The following ASTN2 variants were observed in gnomAD, a reference collection of about 807,000 sequenced individuals.
The protein encoded by ASTN2 is astrotactin-2.
In ASTN2, 54 loss-of-function variants were observed where a neutral mutation model predicts 139.8. The observed-to-expected ratio is 0.39, with a 90% CI of 0.31 to 0.48. ASTN2 has a LOEUF of 0.48. Among genes scored for constraint, ASTN2 ranks in the 20% least tolerant of loss-of-function variants. The pLI, the probability that ASTN2 is intolerant of heterozygous loss-of-function variation, is 0.95. For missense variants in ASTN2, 1,565 were observed against 1,725.1 expected, an observed-to-expected ratio of 0.91 and a Z score of 1.64; for synonymous variants, 756 against 719.5, an observed-to-expected ratio of 1.05 and a Z score of -0.81.
Position 117,414,122 on chromosome 9 carries a change from G to A in ASTN2, c.442+375C>T, listed in dbSNP as rs1411470242. On this transcript the variant is annotated intron_variant, in intron 1 of 22. Coordinates refer to ENST00000313400, the MANE Select transcript of ASTN2 (RefSeq NM_001365068.1). The surrounding 1 kb of genome is among the most constrained non-coding windows in gnomAD (Gnocchi z 4.2). ...GTGGCCAGTGACGGTACCCGGAGAA[G>A]TGGGAGGCTCGACCTGAAACTGGCT... Among the ~76,000 whole-genome samples the A allele has an allele frequency of 6.6e-6, 1 of 152,142 alleles. No individual in the cohort carries two copies. Among genetic ancestry groups the A allele is most frequent in the Non-Finnish European group, 1.5e-5 (1 of 68,024 alleles).
chr9:116,958,631 G>A (rs7026444), intron 10 of ASTN2, among the ~76,000 whole-genome samples: 97,434 of 151,848 alleles, frequency 0.64, 34,944 homozygotes, highest in Admixed American at 0.8. Flanking sequence ...CTGGCCTCCT[G>A]GAAGAAGAGA....
chr9:116,472,913 C>T (rs983862822), intron 20 of ASTN2, among the ~76,000 whole-genome samples: 21 of 127,842 alleles, frequency 1.6e-4, no homozygotes, highest in African/African-American at 4.3e-4. Context: ...GGCAACAGAG[C>T]GAGACTCTGT....
chr9:116,967,103 T>C (rs1053990576), intron 10 of ASTN2, among the ~76,000 whole-genome samples: 1 of 152,160 alleles, frequency 6.6e-6, no homozygotes, highest in Non-Finnish European at 1.5e-5. Context: ...GGAGTCAAAA[T>C]GAAAACATGT....
chr9:116,436,529 T>C (rs1267400591), intron 22 of ASTN2, among the ~76,000 whole-genome samples: 4 of 152,206 alleles, frequency 2.6e-5, no homozygotes, highest in Non-Finnish European at 5.9e-5. Context: ...GTTTACATTG[T>C]AGTAGGGAAG....
rs755823816 is a variant in ASTN2 at position 117,414,602 on chromosome 9, T to G, written c.337A>C (p.Thr113Pro). Residue 113 changes from threonine (T) to proline (P), a missense_variant, in exon 1 of 23, where the codon ACC becomes CCC. Physicochemically the swap from Thr to Pro is conservative, Grantham distance 38 (BLOSUM62 -1). Around this residue, in one of 4 missense-constraint regions of ASTN2, gnomAD observed 596 missense variants for 576.8 expected, o/e 1.03. Transcript: ENST00000313400. The surrounding 1 kb of genome is among the most constrained non-coding windows in gnomAD (Gnocchi z 4.2). ...ASPGSPGSAG[T>P]AAESRLLLFV... is the part of the protein sequence containing the mutation. ...AGCAGGAGGCGCGACTCGGCGGCGG[T>G]GCCGGCAGAGCCAGGAGAGCCCGGG... 6.4e-7 allele frequency: 1 copy of G among 1,570,626 alleles called. No individual in the cohort carries two copies. The highest frequency in any genetic ancestry group is 2.5e-5 in the East Asian group (1 of 39,504).
intron 7 of ASTN2, among the ~76,000 whole-genome samples, chr9:116,992,512 G>A (rs1399282164): frequency 6.6e-6 from 1 of 152,166 alleles, no homozygotes; most frequent in Non-Finnish European, 1.5e-5. Context: ...GTGCCTCCTT[G>A]AAGTTTTTGC....
At position 116,820,697 on chromosome 9, in the gene ASTN2, G is replaced by T; in HGVS notation, c.2127C>A (p.Gly709=). The change falls in exon 12 of 23, where the codon GGC becomes GGA. Residue 709 remains glycine, a synonymous_variant. Transcript: ENST00000313400. ...KGIDCSDGFN[G]GCEQLCLQQT... The stretch of plus-strand genomic sequence containing the variant: ...GCTGCAGGCACAGCTGCTCACAGCC[G>T]CCATTAAAGCCATCAGAGCAGTCAA... 1 of 1,614,208 alleles carries T rather than the reference G, an allele frequency of 6.2e-7. No individual in the cohort carries two copies. The highest frequency in any genetic ancestry group is 8.5e-7 in the Non-Finnish European group (1 of 1,180,034).
chr9:116,765,645 A>T (rs554563167), intron 13 of ASTN2, among the ~76,000 whole-genome samples: 25 of 152,346 alleles, frequency 1.6e-4, no homozygotes, highest in Middle Eastern at 3.4e-3. Flanking sequence ...TAAATGAATT[A>T]TAAGTCTAGG....
intron 1 of ASTN2, among the ~76,000 whole-genome samples, chr9:117,346,180 A>G (rs1184142483): frequency 2.0e-5 from 3 of 152,140 alleles, no homozygotes; most frequent in African/African-American, 7.2e-5. Flanking sequence ...CTCTTTGTCC[A>G]GAGCACCCTG....
intron 2 of ASTN2, among the ~76,000 whole-genome samples, chr9:117,233,616 C>T (rs1243558325): frequency 1.3e-5 from 2 of 152,068 alleles, no homozygotes; most frequent in South Asian, 2.1e-4. Flanking sequence ...CTTTTATGAT[C>T]CAGTTGAAAT....
At chr9:117,267,717 C>T (rs1352540500) in intron 2 of ASTN2, among the ~76,000 whole-genome samples, 1 of 152,198 alleles carries the variant, frequency 6.6e-6, no homozygotes, top group Non-Finnish European at 1.5e-5. Context: ...TGGCTCCTGA[C>T]TTCAGCTCAC....
At chr9:117,271,470 C>T (rs1166798782) in intron 2 of ASTN2, among the ~76,000 whole-genome samples, 1 of 152,150 alleles carries the variant, frequency 6.6e-6, no homozygotes, top group Non-Finnish European at 1.5e-5. Context: ...ATCTCATGTC[C>T]TTACATTTCA....
At chr9:116,825,064 C>A (rs1831589984) in intron 11 of ASTN2, among the ~76,000 whole-genome samples, 2 of 152,154 alleles carry the variant, frequency 1.3e-5, no homozygotes, top group South Asian at 4.1e-4. Context: ...GAATTCATTA[C>A]CAGGCACTGT....
intron 19 of ASTN2, among the ~76,000 whole-genome samples, chr9:116,605,241 C>T (rs1045885825): frequency 6.6e-6 from 1 of 152,120 alleles, no homozygotes; most frequent in Non-Finnish European, 1.5e-5. Context: ...CTCCCAGATG[C>T]CAGGGCAGAA....
intron 1 of ASTN2, among the ~76,000 whole-genome samples, chr9:117,313,624 C>T (rs1292373668): frequency 6.6e-6 from 1 of 152,128 alleles, no homozygotes; most frequent in Non-Finnish European, 1.5e-5. Flanking sequence ...TGAGGATATA[C>T]AAGACATTGA....
At chr9:116,631,776 C>T (rs1448263067) in intron 17 of ASTN2, among the ~76,000 whole-genome samples, 2 of 152,068 alleles carry the variant, frequency 1.3e-5, no homozygotes, top group Admixed American at 6.5e-5. Flanking sequence ...GATGGATATC[C>T]GAGTTACCCT....
chr9:117,087,727 G>A (rs1288416298), intron 5 of ASTN2, among the ~76,000 whole-genome samples: 1 of 152,148 alleles, frequency 6.6e-6, no homozygotes, highest in Non-Finnish European at 1.5e-5. Context: ...GAGAACAGAA[G>A]GACAACTGCT....
At chr9:117,029,677 GA>G (rs546988294) in intron 6 of ASTN2, among the ~76,000 whole-genome samples, 11 of 149,364 alleles carry the variant, frequency 7.4e-5, no homozygotes, top group South Asian at 6.4e-4. Context: ...ACCATGGGAG[GA>G]AAAAAAAATG....
At chr9:116,950,476 T>C (rs1835526849) in intron 10 of ASTN2, among the ~76,000 whole-genome samples, 1 of 152,004 alleles carries the variant, frequency 6.6e-6, no homozygotes. Flanking sequence ...GAGGAGAAGA[T>C]TAAGAGGATT....
Sources: gnomAD v4.1 joint callset for allele counts (sites outside exome capture counted in the v4.1 genomes callset) on GRCh38, gnomAD v4.1.1 for gene constraint, gnomAD v4.1.1 regional missense constraint, Gnocchi (gnomAD v3.1) non-coding constraint, MANE v1.5 for transcripts, NCBI Gene and HGNC (gene_info 2026-07-23, HGNC 2026-07-21) for gene names.